GABRA2: variants seen among roughly 807,000 people sequenced by gnomAD.
GABRA2 encodes the protein gamma-aminobutyric acid receptor subunit alpha-2.
Under a neutral mutation model 48.7 loss-of-function variants are expected in GABRA2, and 16 were observed. The observed-to-expected ratio is 0.33, with a 90% CI of 0.22 to 0.50. The LOEUF (loss-of-function observed/expected upper bound fraction) is 0.50, where lower values mean the gene tolerates loss of function less well. GABRA2 is among the 20% of genes least tolerant of loss of function. The probability of loss-of-function intolerance (pLI) is 0.98; values close to 1 mark genes in which losing one functional copy is unlikely to be tolerated. For missense variants in GABRA2, 275 were observed against 535.6 expected, an observed-to-expected ratio of 0.51 and a Z score of 4.80; for synonymous variants, 185 against 184.5, an observed-to-expected ratio of 1.00 and a Z score of -0.02.
At chr4:46,260,184 C>T (rs148136319) in intron 9 of GABRA2, among the ~76,000 whole-genome samples, 2 of 151,958 alleles carry the variant, frequency 1.3e-5, no homozygotes, top group African/African-American at 4.8e-5. Context: ...GACACTCTAG[C>T]TGTGGAAAAG....
At chr4:46,333,666 G>A (rs1457590087) in intron 3 of GABRA2, among the ~76,000 whole-genome samples, 1 of 151,938 alleles carries the variant, frequency 6.6e-6, no homozygotes, top group African/African-American at 2.4e-5. Context: ...GATAAAACGG[G>A]GTAGACTTTG....
chr4:46,375,118 A>G (rs1715496288), intron 3 of GABRA2, among the ~76,000 whole-genome samples: 2 of 152,150 alleles, frequency 1.3e-5, no homozygotes, highest in African/African-American at 4.8e-5. Context: ...TAGCAAAACT[A>G]CCACTAATGC....
rs193220638 is a variant in GABRA2, at chr4:46,340,575, G to T, written c.188-7893C>A. Among the ~76,000 whole-genome samples, 225 of 151,984 alleles carry T rather than the reference G, an allele frequency of 1.5e-3. 3 individuals carry two copies. The highest frequency in any genetic ancestry group is 5.3e-3 in the African/African-American group (220 of 41,522). On this transcript the variant is annotated intron_variant, in intron 3 of 9. Transcript: ENST00000381620. Reference sequence around the variant, plus strand: ...CTATGCAGATGATCATGAAGCATTTGCCCTTTTTCTGTTGATATTGGATAT... The same window carrying T: ...CTATGCAGATGATCATGAAGCATTTTCCCTTTTTCTGTTGATATTGGATAT...
intron 7 of GABRA2, 79 bp downstream of exon 7, chr4:46,305,489 G>T: frequency 2.3e-6 from 3 of 1,296,866 alleles, no homozygotes; most frequent in Admixed American, 4.4e-5. Context: ...AAGATTTTAA[G>T]CAATCTGACA....
intron 8 of GABRA2, among the ~76,000 whole-genome samples, chr4:46,295,091 C>G (rs1457200397): frequency 1.3e-5 from 2 of 152,186 alleles, no homozygotes; most frequent in African/African-American, 4.8e-5. Context: ...AGACTTAGGC[C>G]TGGTTCACAG....
intron 3 of GABRA2, among the ~76,000 whole-genome samples, chr4:46,384,138 C>T (rs1236115446): frequency 6.6e-6 from 1 of 152,126 alleles, no homozygotes; most frequent in Non-Finnish European, 1.5e-5. Context: ...GAGCAGAATT[C>T]CAGTCTAGAC....
intron 4 of GABRA2, among the ~76,000 whole-genome samples, chr4:46,331,593 C>G (rs1166816913): frequency 1.3e-5 from 2 of 152,100 alleles, no homozygotes; most frequent in Non-Finnish European, 2.9e-5. Context: ...TACAGAGCAC[C>G]ATAGTTAGCA....
chr4:46,253,178 T>A, intron 9 of GABRA2, among the ~76,000 whole-genome samples: 1 of 151,426 alleles, frequency 6.6e-6, no homozygotes, highest in East Asian at 2.0e-4. Flanking sequence ...AATATCTTTT[T>A]TTTTGCAACA....
intron 3 of GABRA2, among the ~76,000 whole-genome samples, chr4:46,385,615 T>A (rs1717342458): frequency 6.6e-6 from 1 of 152,102 alleles, no homozygotes; most frequent in African/African-American, 2.4e-5. Flanking sequence ...AGAAGTATCA[T>A]CATAGAATGC....
At chr4:46,378,146 G>A (rs973614809) in intron 3 of GABRA2, among the ~76,000 whole-genome samples, 17 of 144,836 alleles carry the variant, frequency 1.2e-4, no homozygotes, top group East Asian at 8.4e-4. Flanking sequence ...CCACCACCCC[G>A]TCTGGGAGGT....
intron 4 of GABRA2, among the ~76,000 whole-genome samples, chr4:46,320,964 A>G (rs948072003): frequency 5.3e-5 from 8 of 152,002 alleles, no homozygotes; most frequent in African/African-American, 1.7e-4. Context: ...TACCCAATAT[A>G]CAAAAACAAT....
intron 8 of GABRA2, among the ~76,000 whole-genome samples, chr4:46,279,122 T>G (rs1347508607): frequency 3.9e-5 from 6 of 152,128 alleles, no homozygotes; most frequent in Non-Finnish European, 1.5e-5. Context: ...ATAAACTTCA[T>G]AGTCAGCTAA....
At chr4:46,285,214 A>T (rs1354812253) in intron 8 of GABRA2, among the ~76,000 whole-genome samples, 1 of 152,064 alleles carries the variant, frequency 6.6e-6, no homozygotes, top group Non-Finnish European at 1.5e-5. Flanking sequence ...TTTACACAAA[A>T]TAACTCATAG....
At chr4:46,311,829 A>C (rs1727689524) in intron 5 of GABRA2, among the ~76,000 whole-genome samples, 1 of 152,164 alleles carries the variant, frequency 6.6e-6, no homozygotes, top group South Asian at 2.1e-4. Flanking sequence ...CTGAGCGTGG[A>C]GGCTCATGCC....
intron 4 of GABRA2, among the ~76,000 whole-genome samples, chr4:46,314,432 A>G (rs1445023008): frequency 6.6e-6 from 1 of 152,072 alleles, no homozygotes; most frequent in Non-Finnish European, 1.5e-5. Flanking sequence ...ACAAACAGGA[A>G]GTTGCAAGTG....
intron 9 of GABRA2, among the ~76,000 whole-genome samples, chr4:46,259,650 A>T (rs1205059637): frequency 6.6e-6 from 1 of 151,828 alleles, no homozygotes; most frequent in African/African-American, 2.4e-5. Flanking sequence ...TATTTTATGA[A>T]TTTTCAAAGA....
At chr4:46,263,572 T>G (rs1717488545) in intron 8 of GABRA2, among the ~76,000 whole-genome samples, 1 of 152,162 alleles carries the variant, frequency 6.6e-6, no homozygotes, top group Non-Finnish European at 1.5e-5. Context: ...ACTCCAAATT[T>G]TATACCCTTG....
chr4:46,318,459 A>G (rs143277817), intron 4 of GABRA2, among the ~76,000 whole-genome samples: 1 of 151,784 alleles, frequency 6.6e-6, no homozygotes, highest in African/African-American at 2.4e-5. Context: ...GCCACTAAGT[A>G]CAAGATTTCC....
In GABRA2 at chr4:46,332,637, C is replaced by G; in HGVS notation, c.233G>C (p.Gly78Ala). 6.3e-7 allele frequency: 1 copy of G among 1,597,912 alleles called. No homozygotes were observed. Among genetic ancestry groups the G allele is most frequent in the Non-Finnish European group, 8.6e-7 (1 of 1,165,718 alleles). ...VFTNIYVTSF[G>A]PVSDTDMEYT... Reference sequence around the variant, plus strand: ...CACCATATCTGTATCTGAGACAGGGCCAAAACTGGTCACGTAGATGTTAGT... The same window carrying G: ...CACCATATCTGTATCTGAGACAGGGGCAAAACTGGTCACGTAGATGTTAGT... Residue 78 changes from glycine (G) to alanine (A), a missense_variant, in exon 4 of 10, where the codon GGC becomes GCC. Gly to Ala is a moderately conservative substitution (Grantham distance 60, BLOSUM62 0). Transcript: ENST00000381620.
Sources: allele counts gnomAD v4.1 joint callset (sites outside exome capture counted in the v4.1 genomes callset), GRCh38; gene constraint gnomAD v4.1.1; transcripts MANE v1.5; gene names NCBI Gene and HGNC (gene_info 2026-07-23, HGNC 2026-07-21).